PTPRJ: variants seen among roughly 807,000 people sequenced by gnomAD.
PTPRJ encodes protein tyrosine phosphatase receptor type J, also known as receptor-type tyrosine-protein phosphatase eta.
Under a neutral mutation model 141.3 loss-of-function variants are expected in PTPRJ, and 129 were observed. The observed-to-expected ratio is 0.91, with a 90% confidence interval of 0.79 to 1.06. PTPRJ has a LOEUF of 1.06. PTPRJ is among the 50% of genes least tolerant of loss of function. The pLI, the probability that PTPRJ is intolerant of heterozygous loss-of-function variation, is 0.00. For missense variants in PTPRJ, 1,601 were observed against 1,679.7 expected (o/e 0.95, Z 0.82); for synonymous variants, 610 against 640.5 (o/e 0.95, Z 0.72).
At chr11:48,125,494 C>G (rs559983251) in intron 6 of PTPRJ, among the ~76,000 whole-genome samples, 1 of 152,318 alleles carries the variant, frequency 6.6e-6, no homozygotes, top group South Asian at 2.1e-4. Flanking sequence ...ATCATACTTT[C>G]CTCTTAAAAA....
intron 7 of PTPRJ, among the ~76,000 whole-genome samples, chr11:48,128,834 A>G (rs763410548): frequency 5.9e-5 from 9 of 152,230 alleles, no homozygotes; most frequent in Non-Finnish European, 1.0e-4. Context: ...GGCTTATCCC[A>G]CAAGAATGTC....
chr11:48,122,550 T>C (rs537880361), intron 4 of PTPRJ, among the ~76,000 whole-genome samples: 3 of 152,322 alleles, frequency 2.0e-5, no homozygotes, highest in Admixed American at 6.5e-5. Context: ...TGTGGAGAAG[T>C]TAAGTTTCTT....
intron 1 of PTPRJ, among the ~76,000 whole-genome samples, chr11:48,000,311 T>A (rs78393250): frequency 0.089 from 13,495 of 151,304 alleles, 1,141 homozygotes; most frequent in African/African-American, 0.22. Flanking sequence ...TGGGTAATTT[T>A]AAAATTTTTT....
At chr11:48,135,969 A>G in intron 8 of PTPRJ, 70 bp from the exon 9 acceptor site, 1 of 1,541,904 alleles carries the variant, frequency 6.5e-7, no homozygotes, top group East Asian at 2.3e-5. Flanking sequence ...TCCTCTCGAC[A>G]GCACTTGGAG....
At chr11:47,987,157 C>G (rs1854071544) in intron 1 of PTPRJ, among the ~76,000 whole-genome samples, 1 of 151,920 alleles carries the variant, frequency 6.6e-6, no homozygotes, top group South Asian at 2.1e-4. Flanking sequence ...TGCGGTGAAC[C>G]TTGATAGCGC....
At chr11:48,018,319 A>G (rs552237760) in intron 1 of PTPRJ, among the ~76,000 whole-genome samples, 147 of 152,000 alleles carry the variant, frequency 9.7e-4, no homozygotes, top group African/African-American at 3.3e-3. Context: ...AGTGCCAAGC[A>G]CAAGCTACAC....
At chr11:48,075,888 A>G (rs1303525617) in intron 1 of PTPRJ, among the ~76,000 whole-genome samples, 1 of 152,080 alleles carries the variant, frequency 6.6e-6, no homozygotes, top group Non-Finnish European at 1.5e-5. Context: ...AGTTCAGCCA[A>G]CCTGCCCGTT....
chr11:48,090,118 T>C (rs1385639868), intron 1 of PTPRJ, among the ~76,000 whole-genome samples: 1 of 152,160 alleles, frequency 6.6e-6, no homozygotes, highest in Non-Finnish European at 1.5e-5. Flanking sequence ...GAAACTCTCT[T>C]TAATTCCCAG....
chr11:48,069,202 C>T (rs1247133374), intron 1 of PTPRJ, among the ~76,000 whole-genome samples: 3 of 151,212 alleles, frequency 2.0e-5, no homozygotes, highest in East Asian at 2.0e-4. Context: ...CGGGATAAAG[C>T]GATTCTCCTG....
At chr11:48,149,637 T>C (rs2134374813) in intron 16 of PTPRJ, 149 bp downstream of exon 16, 3 of 584,036 alleles carry the variant, frequency 5.1e-6, no homozygotes, top group East Asian at 6.3e-5. Context: ...AGCTCTGTTT[T>C]CTGCAAGGAA....
intron 1 of PTPRJ, among the ~76,000 whole-genome samples, chr11:48,035,193 C>T (rs747223269): frequency 2.4e-4 from 37 of 152,268 alleles, no homozygotes; most frequent in African/African-American, 7.2e-4. Flanking sequence ...CCCATTTCTC[C>T]GGGCCTGACT....
At chr11:48,076,562 A>G (rs1855408500) in intron 1 of PTPRJ, among the ~76,000 whole-genome samples, 1 of 151,874 alleles carries the variant, frequency 6.6e-6, no homozygotes, top group South Asian at 2.1e-4. Flanking sequence ...TAGTATTGAG[A>G]AAGTACCAGG....
chr11:48,100,499 A>G lies in PTPRJ; in HGVS notation c.97-9559A>G, dbSNP rs372434112. On this transcript the variant is annotated intron_variant, in intron 1 of 24. Coordinates refer to ENST00000418331, the MANE Select transcript of PTPRJ (RefSeq NM_002843.4). ...CTTATGAGGTAAATACTGTATATATATTTAAAAAGACTATTTTTAGAGCAG... is the reference window on the plus strand; with the variant it reads ...CTTATGAGGTAAATACTGTATATATGTTTAAAAAGACTATTTTTAGAGCAG... Among the ~76,000 whole-genome samples, 22 of 152,348 alleles carry G rather than the reference A, an allele frequency of 1.4e-4. No individual in the cohort carries two copies. The South Asian group carries it at 4.6e-3, about 32-fold the overall frequency.
chr11:48,087,599 A>G (rs6485808), intron 1 of PTPRJ, among the ~76,000 whole-genome samples: 114,713 of 152,118 alleles, frequency 0.75, 43,715 homozygotes, highest in East Asian at 0.84. Flanking sequence ...CTCAGAGAAG[A>G]CATGTGAGTT....
chr11:48,071,607 C>CTTTTTTTT (rs35993560), intron 1 of PTPRJ, among the ~76,000 whole-genome samples: 1 of 82,450 alleles, frequency 1.2e-5, no homozygotes, highest in Non-Finnish European at 2.2e-5. Flanking sequence ...CGCACCCAGC[C>CTTTTTTTT]TTTTTTTTTT....
chr11:48,053,178 T>TAA (rs1411231591), intron 1 of PTPRJ, among the ~76,000 whole-genome samples: 11 of 103,244 alleles, frequency 1.1e-4, no homozygotes, highest in African/African-American at 4.3e-4. Flanking sequence ...TAAAAATATA[T>TAA]AAATATATAT....
chr11:48,153,936 C>A, intron 19 of PTPRJ, 50 bp downstream of exon 19: 2 of 1,294,980 alleles, frequency 1.5e-6, no homozygotes, highest in Non-Finnish European at 2.2e-6. Flanking sequence ...CAGTGGCCAT[C>A]ACATCTCTAA....
intron 1 of PTPRJ, among the ~76,000 whole-genome samples, chr11:48,040,222 G>A (rs1854240271): frequency 6.6e-6 from 1 of 152,240 alleles, no homozygotes; most frequent in South Asian, 2.1e-4. Flanking sequence ...AGATAGCACA[G>A]GCTTTGCTAA....
intron 1 of PTPRJ, among the ~76,000 whole-genome samples, chr11:47,983,607 T>G (rs905114306): frequency 2.0e-5 from 3 of 152,222 alleles, no homozygotes; most frequent in Admixed American, 1.3e-4. Context: ...CGGTCAGAGA[T>G]GATTCCAACA....
Sources: gnomAD v4.1 joint callset for allele counts (sites outside exome capture counted in the v4.1 genomes callset) on GRCh38, gnomAD v4.1.1 for gene constraint, MANE v1.5 for transcripts, NCBI Gene and HGNC (gene_info 2026-07-23, HGNC 2026-07-21) for gene names.